CFAP70: variants seen among roughly 807,000 people sequenced by gnomAD.
CFAP70 encodes the protein cilia and flagella associated protein 70.
Under a neutral mutation model 137.6 loss-of-function variants are expected in CFAP70, and 81 were observed. That is an observed-to-expected ratio of 0.59 (90% confidence interval 0.49 to 0.71). The LOEUF is 0.71. Ranked by LOEUF, CFAP70 falls within the 30% of genes least tolerant of loss-of-function variation. The pLI, the probability that CFAP70 is intolerant of heterozygous loss-of-function variation, is 0.00. For missense variants in CFAP70, 976 were observed against 1,226.7 expected, an observed-to-expected ratio of 0.80 and a Z score of 3.05; for synonymous variants, 382 against 423.6, an observed-to-expected ratio of 0.90 and a Z score of 1.20.
chr10:73,322,827 A>G, intron 9 of CFAP70, 136 bp downstream of exon 10: 1 of 711,452 alleles, frequency 1.4e-6, no homozygotes, highest in Non-Finnish European at 2.1e-6. Context: ...GAATGACTGT[A>G]AGGCTATATA....
chr10:73,291,453 A>G lies in CFAP70; in HGVS notation c.2021-9T>C, dbSNP rs1344981670. The G allele has an allele frequency of 1.2e-6, 2 of 1,612,590 alleles. No individual in the cohort carries two copies. Among genetic ancestry groups the G allele is most frequent in the Non-Finnish European group, 1.7e-6 (2 of 1,178,650 alleles). On this transcript the variant is annotated splice_polypyrimidine_tract_variant and intron_variant, in intron 18 of 26. Transcript: ENST00000310715. ...AATTTCATAGTACAAACCTGGGGAA[A>G]GAAAAATGTTGAAATACATATGACT...
intron 19 of CFAP70, among the ~76,000 whole-genome samples, chr10:73,290,362 A>T (rs141512753): frequency 6.6e-6 from 1 of 152,280 alleles, no homozygotes; most frequent in East Asian, 1.9e-4. Context: ...CTTATCTATG[A>T]TGATAGAAAG....
At chr10:73,321,115 T>C (rs910063160) in intron 9 of CFAP70, among the ~76,000 whole-genome samples, 3 of 152,166 alleles carry the variant, frequency 2.0e-5, no homozygotes, top group Non-Finnish European at 2.9e-5. Context: ...TATTAAATTA[T>C]GTCCTTAAAA....
intron 8 of CFAP70, among the ~76,000 whole-genome samples, chr10:73,325,976 AC>A (rs1348153007): frequency 6.6e-6 from 1 of 152,186 alleles, no homozygotes; most frequent in Non-Finnish European, 1.5e-5. Flanking sequence ...TCAGCTCTGC[AC>A]CAAGTAGACC....
rs111332883 is a variant in CFAP70, at chr10:73,275,022, G to A, written c.2673+424C>T. 0.043 allele frequency: 6,993 copies of A among 163,464 alleles called. 484 individuals are homozygous for A. The highest frequency in any genetic ancestry group is 0.15 in the African/African-American group (6,250 of 41,728). 10.1% of individuals were successfully genotyped at this position (163,464 alleles called of 1,614,324 possible). A position where few individuals can be genotyped will look rare whatever the true frequency, so the allele number is the denominator to read the frequency against. On this transcript the variant is annotated intron_variant, in intron 22 of 26. Transcript: ENST00000310715. The surrounding 1 kb of genome is among the most constrained non-coding windows in gnomAD (Gnocchi z 4.0). ...AGATGGAGTCTTGCACTGTCGCCCA[G>A]GCTGGAGAGTGCAATGGCTCAATCT...
intron 24 of CFAP70, among the ~76,000 whole-genome samples, chr10:73,271,267 T>G (rs2046294398): frequency 6.6e-6 from 1 of 152,164 alleles, no homozygotes; most frequent in Non-Finnish European, 1.5e-5. Context: ...ATCCCAGCAC[T>G]TTGGGAGGCC....
intron 26 of CFAP70, 30 bp from the exon 28 acceptor site, chr10:73,254,085 A>T: frequency 6.4e-7 from 1 of 1,569,962 alleles, no homozygotes; most frequent in Non-Finnish European, 8.7e-7. Flanking sequence ...AGGGAAAGAT[A>T]TATGTCATAC....
intron 9 of CFAP70, among the ~76,000 whole-genome samples, chr10:73,316,372 A>G (rs1025667983): frequency 6.7e-6 from 1 of 149,580 alleles, no homozygotes; most frequent in African/African-American, 2.4e-5. Flanking sequence ...TTTGTTTTCT[A>G]TATATCATCT....
At chr10:73,261,860 A>G (rs1189473743) in intron 25 of CFAP70, among the ~76,000 whole-genome samples, 1 of 151,724 alleles carries the variant, frequency 6.6e-6, no homozygotes, top group East Asian at 1.9e-4. Context: ...GTCAATCTGC[A>G]TTATTTTAAG....
chr10:73,275,438 G>A lies in CFAP70; in HGVS notation c.2673+8C>T. 6.3e-7 allele frequency: 1 copy of A among 1,587,932 alleles called. No homozygotes were observed. The highest frequency in any genetic ancestry group is 8.5e-7 in the Non-Finnish European group (1 of 1,169,858). ...CCAGACTCAAGAGGCTTTAGCAAAA[G>A]TCATTACCAGGTAGTCCATCTGGGC... On this transcript the variant is annotated splice_region_variant and intron_variant, in intron 22 of 26. Transcript: ENST00000310715. This position sits in a 1 kb window ranked among gnomAD's most constrained non-coding sequence, Gnocchi z 4.0.
At chr10:73,337,763 G>T (rs571428059) in intron 6 of CFAP70, among the ~76,000 whole-genome samples, 109 of 152,066 alleles carry the variant, frequency 7.2e-4, no homozygotes, top group African/African-American at 2.5e-3. Context: ...AAAATTAGCC[G>T]GGTGTGGTGG....
At chr10:73,361,435 A>G (rs1250522719), upstream of CFAP70, among the ~76,000 whole-genome samples, 2 of 151,182 alleles carry the variant, frequency 1.3e-5, no homozygotes, top group Non-Finnish European at 2.9e-5. Flanking sequence ...TGTGTGTTAC[A>G]GTTCTTTTAT....
intron 19 of CFAP70, 135 bp from the exon 21 acceptor site, chr10:73,278,472 G>T: frequency 5.8e-6 from 4 of 685,850 alleles, no homozygotes; most frequent in South Asian, 5.1e-5. Flanking sequence ...TTGTTTGGTA[G>T]ACTTGTTTAT....
At chr10:73,324,728 G>A (rs2051226811) in intron 8 of CFAP70, among the ~76,000 whole-genome samples, 1 of 152,200 alleles carries the variant, frequency 6.6e-6, no homozygotes, top group Non-Finnish European at 1.5e-5. Flanking sequence ...CTGGAAGAAG[G>A]AGTATCAGTG....
intron 2 of CFAP70, among the ~76,000 whole-genome samples, chr10:73,354,301 A>T (rs1228973521): frequency 6.6e-6 from 1 of 152,246 alleles, no homozygotes; most frequent in Non-Finnish European, 1.5e-5. Context: ...CATTAATTAC[A>T]TCCTCTTTGG....
chr10:73,322,853 T>C lies in CFAP70; in HGVS notation c.912+110A>G, dbSNP rs1288537526. 4 of 908,146 alleles carry C rather than the reference T, an allele frequency of 4.4e-6. No individual in the cohort carries two copies. The East Asian group carries it at 1.1e-4, about 25-fold the overall frequency. The allele number at this position is 908,146 out of a possible 1,614,324, so 56.3% of individuals were successfully genotyped here. On this transcript the variant is annotated intron_variant, in intron 9 of 26. Coordinates refer to ENST00000310715, the Ensembl canonical transcript of CFAP70. The stretch of plus-strand genomic sequence containing the variant: ...AGGCTATATATTTAATATCCTAGTA[T>C]ACCAACTGGTTCTAAATATCAGTTG...
chr10:73,334,570 A>T (rs1050825460), intron 7 of CFAP70, among the ~76,000 whole-genome samples: 7 of 149,838 alleles, frequency 4.7e-5, no homozygotes, highest in Non-Finnish European at 7.4e-5. Flanking sequence ...CATCATACAT[A>T]CCAATTCTGG....
intron 17 of CFAP70, 53 bp from the exon 19 acceptor site, chr10:73,291,808 G>T: frequency 6.2e-7 from 1 of 1,613,492 alleles, no homozygotes; most frequent in Non-Finnish European, 8.5e-7. Flanking sequence ...TCACATTTAT[G>T]GAACCAAGAC....
At chr10:73,278,979 CAAAAAAAAAA>C (rs398046078) in intron 19 of CFAP70, 1 of 71,878 alleles carries the variant, frequency 1.4e-5, no homozygotes, top group African/African-American at 4.4e-5. Context: ...GACTCCGTCT[CAAAAAAAAAA>C]AAAAAAAAAA....
Sources: gnomAD v4.1 joint callset for allele counts (sites outside exome capture counted in the v4.1 genomes callset) on GRCh38, gnomAD v4.1.1 for gene constraint, Gnocchi (gnomAD v3.1) non-coding constraint, MANE v1.5 for transcripts, NCBI Gene and HGNC (gene_info 2026-07-23, HGNC 2026-07-21) for gene names.